Variants in PTPN11 observed in about 807,000 individuals in gnomAD.
PTPN11 encodes tyrosine-protein phosphatase non-receptor type 11.
PTPN11 carries 6 observed loss-of-function variants against 78.8 expected under a neutral mutation model. The ratio of observed to expected loss-of-function variants is 0.08; its 90% CI spans 0.04 to 0.15. The LOEUF is 0.15. PTPN11 is among the 10% of genes least tolerant of loss of function. The probability of loss-of-function intolerance (pLI) is 1.00; values close to 1 mark genes in which losing one functional copy is unlikely to be tolerated. For synonymous variants in PTPN11, 221 were observed against 263.5 expected, an observed-to-expected ratio of 0.84 and a Z score of 1.56; for missense variants, 386 against 744.8, an observed-to-expected ratio of 0.52 and a Z score of 5.61.
intron 1 of PTPN11, among the ~76,000 whole-genome samples, chr12:112,421,861 C>T (rs1168063564): frequency 6.6e-6 from 1 of 152,190 alleles, no homozygotes; most frequent in Non-Finnish European, 1.5e-5. Context: ...CTCCCGGGCT[C>T]AAGCGATCTT....
chr12:112,426,851 G>A (rs1383680704), intron 1 of PTPN11, among the ~76,000 whole-genome samples: 1 of 151,960 alleles, frequency 6.6e-6, no homozygotes, highest in African/African-American at 2.4e-5. Flanking sequence ...TGCTCAGGCT[G>A]GTCTTGAACT....
In PTPN11 at chr12:112,506,133, T is replaced by A. The variant is rs917511748; in HGVS notation, c.*341T>A. On this transcript the variant is annotated 3_prime_UTR_variant, in exon 16 of 16. Coordinates refer to ENST00000351677, the MANE Select transcript of PTPN11 (RefSeq NM_002834.5). ...CAGATTATGGGGATTCAAATTCTAG[T>A]AATAGGCTTTTTTATTTTTATTTTT... 2.6e-5 allele frequency: 4 copies of A among 152,234 alleles called. No individual in the cohort carries two copies. The highest frequency in any genetic ancestry group is 2.9e-5 in the Non-Finnish European group (2 of 68,038). The allele number at this position is 152,234 out of a possible 1,614,324, so 9.4% of individuals were successfully genotyped here. A position where few individuals can be genotyped will look rare whatever the true frequency, so the allele number is the denominator to read the frequency against.
At chr12:112,422,692 A>G (rs1392609402) in intron 1 of PTPN11, among the ~76,000 whole-genome samples, 2 of 152,178 alleles carry the variant, frequency 1.3e-5, no homozygotes, top group African/African-American at 2.4e-5. Flanking sequence ...GTGTCTTTGC[A>G]GTGGAAACTG....
chr12:112,473,853 A>G (rs2038456914), intron 7 of PTPN11, among the ~76,000 whole-genome samples: 1 of 152,112 alleles, frequency 6.6e-6, no homozygotes, highest in African/African-American at 2.4e-5. Flanking sequence ...CTCAAAAAAA[A>G]AAAAGGAAGA....
At chr12:112,459,211 G>T (rs1323415510) in intron 6 of PTPN11, among the ~76,000 whole-genome samples, 2 of 152,076 alleles carry the variant, frequency 1.3e-5, no homozygotes, top group African/African-American at 4.8e-5. Flanking sequence ...AAGATGGGAA[G>T]ATACAGAAGT....
intron 1 of PTPN11, among the ~76,000 whole-genome samples, chr12:112,427,569 A>G (rs1025716354): frequency 1.4e-4 from 21 of 151,316 alleles, no homozygotes; most frequent in African/African-American, 3.9e-4. Context: ...CTATATATCT[A>G]TATATCTATA....
At chr12:112,419,171 G>A (rs1225084342) in intron 1 of PTPN11, 46 bp downstream of exon 1, 25 of 1,479,236 alleles carry the variant, frequency 1.7e-5, no homozygotes, top group Non-Finnish European at 2.1e-5. Flanking sequence ...CCCGGCCACC[G>A]CCGCGTTCGG....
chr12:112,442,850 AT>A (rs2037921752), intron 1 of PTPN11, among the ~76,000 whole-genome samples: 4 of 70,366 alleles, frequency 5.7e-5, no homozygotes, highest in African/African-American at 2.1e-4. Context: ...ATATATATAT[AT>A]ATATATATAT....
chr12:112,472,858 C>A, intron 6 of PTPN11, 86 bp from the exon 7 acceptor site: 1 of 1,057,420 alleles, frequency 9.5e-7, no homozygotes, highest in Non-Finnish European at 1.5e-6. Flanking sequence ...AGGATGAATT[C>A]CTTAAAGAAG....
Position 112,453,248 on chromosome 12 carries a change from A to G in PTPN11, c.386A>G (p.Lys129Arg). ...GAAGCAGAGAAATTATTAACTGAAA[A>G]AGGAAAACATGGTAGTTTTCTTGTA... ...GKEAEKLLTE[K>R]GKHGSFLVRE... is the part of the protein sequence containing the mutation. Residue 129 changes from lysine (K) to arginine (R), a missense_variant, in exon 4 of 16, where the codon AAA (lysine) becomes AGA (arginine). Coordinates refer to ENST00000351677, the MANE Select transcript of PTPN11 (RefSeq NM_002834.5). 1 of 1,613,284 alleles carries G rather than the reference A, an allele frequency of 6.2e-7. No individual in the cohort carries two copies. Among genetic ancestry groups the G allele is most frequent in the Non-Finnish European group, 8.5e-7 (1 of 1,180,014 alleles).
intron 6 of PTPN11, among the ~76,000 whole-genome samples, chr12:112,471,322 G>T (rs2038410977): frequency 6.7e-6 from 1 of 149,868 alleles, no homozygotes; most frequent in African/African-American, 2.4e-5. Context: ...TTGCCTATTT[G>T]TGATTTCCCA....
At chr12:112,453,949 A>G (rs2038116100) in intron 4 of PTPN11, among the ~76,000 whole-genome samples, 1 of 152,038 alleles carries the variant, frequency 6.6e-6, no homozygotes. Flanking sequence ...TGCCTGATCC[A>G]AAGTCAGATT....
intron 1 of PTPN11, among the ~76,000 whole-genome samples, chr12:112,424,959 TGTGTGTGTG>T (rs2037589075): frequency 2.2e-3 from 54 of 24,414 alleles, no homozygotes; most frequent in African/African-American, 6.4e-3. Context: ...AGGCTAATTG[TGTGTGTGTG>T]TGTGTGTGTG....
intron 6 of PTPN11, among the ~76,000 whole-genome samples, chr12:112,469,584 G>A (rs969933116): frequency 6.6e-6 from 1 of 151,630 alleles, no homozygotes; most frequent in African/African-American, 2.4e-5. Flanking sequence ...ACACAATCTC[G>A]GCTCACTGCA....
chr12:112,495,288 C>T (rs1007567938), intron 13 of PTPN11, among the ~76,000 whole-genome samples: 7 of 152,202 alleles, frequency 4.6e-5, no homozygotes, highest in African/African-American at 1.7e-4. Flanking sequence ...TGGTCACACA[C>T]TGAGTTTGGT....
At chr12:112,501,492 G>A (rs1251940972) in intron 13 of PTPN11, among the ~76,000 whole-genome samples, 1 of 152,132 alleles carries the variant, frequency 6.6e-6, no homozygotes. Context: ...GGGCATGGTG[G>A]TGGGCACCTG....
chr12:112,477,573 C>T, intron 7 of PTPN11, 78 bp from the exon 8 acceptor site: 1 of 1,157,558 alleles, frequency 8.6e-7, no homozygotes, highest in Non-Finnish European at 1.3e-6. Context: ...TTGGACTAGG[C>T]TGGGGAGTAA....
intron 13 of PTPN11, among the ~76,000 whole-genome samples, chr12:112,493,182 C>T (rs528799523): frequency 6.6e-6 from 1 of 151,920 alleles, no homozygotes; most frequent in African/African-American, 2.4e-5. Context: ...CCTTGGCCTC[C>T]CCAGTAGCTG....
At chr12:112,457,261 T>C in intron 6 of PTPN11, 1 of 401,608 alleles carries the variant, frequency 2.5e-6, no homozygotes, top group Non-Finnish European at 4.9e-6. Flanking sequence ...CCATGTGTTC[T>C]CATTGTTTGG....
Sources: gnomAD v4.1 joint callset for allele counts (sites outside exome capture counted in the v4.1 genomes callset) on GRCh38, gnomAD v4.1.1 for gene constraint, MANE v1.5 for transcripts, NCBI Gene and HGNC (gene_info 2026-07-23, HGNC 2026-07-21) for gene names.